PACSIN2: variants seen among roughly 807,000 people sequenced by gnomAD.
PACSIN2 encodes protein kinase C and casein kinase substrate in neurons 2.
A neutral mutation model predicts 63.8 loss-of-function variants in PACSIN2; 25 were observed. That is an observed-to-expected ratio of 0.39 (90% CI 0.29 to 0.55). The LOEUF is 0.55. Among genes scored for constraint, PACSIN2 ranks in the 20% least tolerant of loss-of-function variants. The probability of loss-of-function intolerance (pLI) is 0.62; values close to 1 mark genes in which losing one functional copy is unlikely to be tolerated. For synonymous variants in PACSIN2, 255 were observed against 256.2 expected (o/e 1.00, Z 0.05); for missense variants, 518 against 646.9 (o/e 0.80, Z 2.16).
intron 1 of PACSIN2, among the ~76,000 whole-genome samples, chr22:42,989,564 A>C (rs2146900673): frequency 6.6e-6 from 1 of 151,072 alleles, no homozygotes; most frequent in African/African-American, 2.4e-5. Flanking sequence ...TGGGAGGCCG[A>C]GGCGGGTGGA....
intron 1 of PACSIN2, among the ~76,000 whole-genome samples, chr22:42,983,426 G>T (rs1328615894): frequency 7.0e-6 from 1 of 142,368 alleles, no homozygotes; most frequent in African/African-American, 2.6e-5. Flanking sequence ...GAAGGCGGAG[G>T]TTGCAGTGAG....
intron 1 of PACSIN2, among the ~76,000 whole-genome samples, chr22:42,962,782 G>T (rs1445437567): frequency 7.4e-6 from 1 of 135,448 alleles, no homozygotes; most frequent in African/African-American, 2.8e-5. Context: ...GGGCGGGGGG[G>T]GGGGGCGGCG....
chr22:43,008,569 A>G (rs768180978), intron 1 of PACSIN2, among the ~76,000 whole-genome samples: 1 of 152,218 alleles, frequency 6.6e-6, no homozygotes, highest in Non-Finnish European at 1.5e-5. Context: ...GTTCTTTTAC[A>G]TATATGAGCT....
At chr22:42,954,837 G>T (rs1376611222) in intron 1 of PACSIN2, among the ~76,000 whole-genome samples, 1 of 152,072 alleles carries the variant, frequency 6.6e-6, no homozygotes, top group African/African-American at 2.4e-5. Flanking sequence ...AATTTCGGAG[G>T]CATGGTAGGT....
intron 1 of PACSIN2, among the ~76,000 whole-genome samples, chr22:42,982,888 A>AAAAAAAAAAAAAAAAAAAACAAC (rs759532303): frequency 7.6e-5 from 8 of 105,212 alleles, no homozygotes; most frequent in Non-Finnish European, 1.5e-4. Context: ...AAAAAAAAAA[A>AAAAAAAAAAAAAAAAAAAACAAC]AACAACAACA....
intron 1 of PACSIN2, among the ~76,000 whole-genome samples, chr22:42,959,328 G>A (rs1412627723): frequency 6.6e-6 from 1 of 152,194 alleles, no homozygotes; most frequent in Admixed American, 6.5e-5. Context: ...ACGCCTTAAA[G>A]TAGGGGGAAA....
At chr22:42,938,220 C>T (rs549507161) in intron 1 of PACSIN2, among the ~76,000 whole-genome samples, 3 of 152,248 alleles carry the variant, frequency 2.0e-5, no homozygotes, top group East Asian at 1.9e-4. Flanking sequence ...CCTGGGCTCG[C>T]GAAGCAGCAG....
chr22:43,013,038 C>T (rs193098579), intron 1 of PACSIN2, among the ~76,000 whole-genome samples: 165 of 152,234 alleles, frequency 1.1e-3, no homozygotes, highest in African/African-American at 3.8e-3. Context: ...GTGATCTGCC[C>T]GCCTCGGCCT....
intron 1 of PACSIN2, among the ~76,000 whole-genome samples, chr22:42,943,280 G>GT (rs1933258152): frequency 1.3e-5 from 2 of 152,216 alleles, no homozygotes; most frequent in African/African-American, 4.8e-5. Flanking sequence ...AATTCTAAGA[G>GT]TTTTTTTGGT....
Position 43,010,924 on chromosome 22 carries a change from C to A in PACSIN2, c.-78+4097G>T, listed in dbSNP as rs115996988. ...TCATCAAAATGTCAAAACTTGTGCT[C>A]TTTGGTGGCCACTGTCCCTCAAGTA... is the stretch of plus-strand genomic sequence containing the variant. On this transcript the variant is annotated intron_variant, in intron 1 of 10. Transcript: ENST00000263246. Among the ~76,000 whole-genome samples the A allele has an allele frequency of 6.6e-3, 1,009 of 152,282 alleles. 13 individuals carry two copies. The highest frequency in any genetic ancestry group is 0.023 in the African/African-American group (938 of 41,546).
chr22:42,992,776 T>A (rs1171307640), intron 1 of PACSIN2, among the ~76,000 whole-genome samples: 1 of 152,202 alleles, frequency 6.6e-6, no homozygotes, highest in African/African-American at 2.4e-5. Flanking sequence ...TTGGATTTTT[T>A]AAAAAATGAA....
chr22:42,882,368 A>T lies in PACSIN2; in HGVS notation c.786-64T>A, dbSNP rs915135211. 5.2e-5 allele frequency: 81 copies of T among 1,543,094 alleles called. No individual in the cohort carries two copies. In the African/African-American group the frequency reaches 1.1e-3, roughly 20 times the overall value. On this transcript the variant is annotated intron_variant, in intron 6 of 10. Coordinates refer to ENST00000263246, the MANE Select transcript of PACSIN2 (RefSeq NM_001184970.3). ...GGCCAGCTACCCTTTGTCCCAGCCC[A>T]GTGCCAGCCACAGCAGGTCCCGTGG...
At chr22:42,884,949 A>T (rs1929365281) in intron 5 of PACSIN2, among the ~76,000 whole-genome samples, 1 of 152,180 alleles carries the variant, frequency 6.6e-6, no homozygotes, top group Non-Finnish European at 1.5e-5. Context: ...TGAATCCTGC[A>T]GCTCTCTTGG....
chr22:42,992,218 G>A (rs1208253821), intron 1 of PACSIN2, among the ~76,000 whole-genome samples: 1 of 152,128 alleles, frequency 6.6e-6, no homozygotes, highest in Admixed American at 6.5e-5. Context: ...TAATCACTAG[G>A]GAAATGCAAA....
chr22:42,991,889 TG>T (rs1474043889), intron 1 of PACSIN2, among the ~76,000 whole-genome samples: 2 of 150,140 alleles, frequency 1.3e-5, no homozygotes, highest in Non-Finnish European at 3.0e-5. Context: ...CAGGCCTAAA[TG>T]TAAAACATAA....
At chr22:42,947,197 A>G (rs927525424) in intron 1 of PACSIN2, among the ~76,000 whole-genome samples, 9 of 152,240 alleles carry the variant, frequency 5.9e-5, no homozygotes, top group African/African-American at 2.2e-4. Context: ...TGTTCAGGTC[A>G]GAAAATAGGG....
chr22:42,910,609 C>A (rs1224963334), intron 2 of PACSIN2, among the ~76,000 whole-genome samples: 1 of 152,220 alleles, frequency 6.6e-6, no homozygotes, highest in Non-Finnish European at 1.5e-5. Context: ...CAACCTCCTG[C>A]CATGCTGTGA....
intron 2 of PACSIN2, among the ~76,000 whole-genome samples, chr22:42,905,655 G>A (rs184782723): frequency 2.5e-4 from 38 of 152,354 alleles, no homozygotes; most frequent in Admixed American, 2.6e-4. Context: ...CACGCAGGCC[G>A]AAGACAATGT....
At chr22:42,981,538 C>T (rs1265499335) in intron 1 of PACSIN2, among the ~76,000 whole-genome samples, 3 of 107,188 alleles carry the variant, frequency 2.8e-5, no homozygotes, top group Non-Finnish European at 3.8e-5. Context: ...GTCAGCCCCC[C>T]GCCCGGCCGG....
Sources: gnomAD v4.1 joint callset for allele counts (sites outside exome capture counted in the v4.1 genomes callset) on GRCh38, gnomAD v4.1.1 for gene constraint, MANE v1.5 for transcripts, NCBI Gene and HGNC (gene_info 2026-07-23, HGNC 2026-07-21) for gene names.